SPHKAP: variants seen among roughly 807,000 people sequenced by gnomAD.
SPHKAP encodes A-kinase anchor protein SPHKAP.
SPHKAP carries 67 observed loss-of-function variants against 137.5 expected under a neutral mutation model. The ratio of observed to expected loss-of-function variants is 0.49; its 90% CI spans 0.40 to 0.60. SPHKAP has a LOEUF of 0.60. SPHKAP is among the 20% of genes least tolerant of loss of function. The pLI is 0.00. For synonymous variants in SPHKAP, 813 were observed against 785.3 expected, an observed-to-expected ratio of 1.04 and a Z score of -0.59; for missense variants, 2,097 against 2,069.3, an observed-to-expected ratio of 1.01 and a Z score of -0.26.
intron 3 of SPHKAP, among the ~76,000 whole-genome samples, chr2:228,092,124 T>A (rs1315089990): frequency 1.0e-5 from 1 of 99,486 alleles, no homozygotes; most frequent in African/African-American, 3.7e-5. Context: ...TATATACATA[T>A]ACGTATATGT....
At chr2:228,084,532 G>A (rs1240616149) in intron 3 of SPHKAP, among the ~76,000 whole-genome samples, 1 of 152,162 alleles carries the variant, frequency 6.6e-6, no homozygotes, top group Non-Finnish European at 1.5e-5. Flanking sequence ...ATGATGTGAT[G>A]TAAATTTTCA....
At chr2:228,064,503 T>C (rs1459035045) in intron 3 of SPHKAP, among the ~76,000 whole-genome samples, 1 of 152,240 alleles carries the variant, frequency 6.6e-6, no homozygotes, top group Non-Finnish European at 1.5e-5. Context: ...TTATGTTAAG[T>C]ATTTTCATTT....
intron 3 of SPHKAP, among the ~76,000 whole-genome samples, chr2:228,100,494 C>T (rs111488339): frequency 3.3e-5 from 5 of 152,036 alleles, no homozygotes; most frequent in African/African-American, 9.6e-5. Flanking sequence ...AGAGATGGCT[C>T]TTATTATTTT....
intron 3 of SPHKAP, among the ~76,000 whole-genome samples, chr2:228,091,619 A>G (rs1697735699): frequency 6.6e-6 from 1 of 152,178 alleles, no homozygotes; most frequent in South Asian, 2.1e-4. Flanking sequence ...ACATAAATAG[A>G]CAATTCTGAA....
chr2:228,004,894 T>C (rs1350157079), intron 7 of SPHKAP, among the ~76,000 whole-genome samples: 1 of 152,242 alleles, frequency 6.6e-6, no homozygotes, highest in Non-Finnish European at 1.5e-5. Context: ...TCCTGAGTTC[T>C]AGTTTGATTG....
intron 3 of SPHKAP, among the ~76,000 whole-genome samples, chr2:228,083,915 C>T (rs1697451649): frequency 6.6e-6 from 1 of 151,908 alleles, no homozygotes; most frequent in Non-Finnish European, 1.5e-5. Context: ...GGGGATATCA[C>T]ACACTGGGGC....
At chr2:228,000,885 C>T (rs540986535) in intron 7 of SPHKAP, among the ~76,000 whole-genome samples, 1 of 152,166 alleles carries the variant, frequency 6.6e-6, no homozygotes, top group South Asian at 2.1e-4. Flanking sequence ...AAGTTTTCAA[C>T]GTGTTTGGGT....
chr2:228,010,681 G>A (rs1248340622), intron 7 of SPHKAP, among the ~76,000 whole-genome samples: 2 of 151,952 alleles, frequency 1.3e-5, no homozygotes, highest in Non-Finnish European at 2.9e-5. Flanking sequence ...TAATTAATAC[G>A]TTTTTCTATC....
At chr2:228,056,111 C>A (rs1696433492) in intron 3 of SPHKAP, among the ~76,000 whole-genome samples, 1 of 152,226 alleles carries the variant, frequency 6.6e-6, no homozygotes, top group African/African-American at 2.4e-5. Flanking sequence ...CTTTCTGAAT[C>A]ACTCTCCTAC....
intron 5 of SPHKAP, 70 bp from the exon 6 acceptor site, chr2:228,022,036 C>G: frequency 6.8e-7 from 1 of 1,475,510 alleles, no homozygotes; most frequent in Non-Finnish European, 9.0e-7. Context: ...CTGAGCTTTC[C>G]TTTTCCACCA....
chr2:228,036,433 T>C (rs2106249592), intron 3 of SPHKAP, among the ~76,000 whole-genome samples: 1 of 152,334 alleles, frequency 6.6e-6, no homozygotes, highest in East Asian at 1.9e-4. Context: ...ACACTGTTGG[T>C]GGCACTGTAA....
At chr2:228,175,789 G>A (rs10193616) in intron 1 of SPHKAP, among the ~76,000 whole-genome samples, 94,252 of 151,926 alleles carry the variant, frequency 0.62, 29,750 homozygotes, top group African/African-American at 0.73. Flanking sequence ...AAACAACTTA[G>A]ATTTGAAGAG....
chr2:228,162,609 C>T lies in SPHKAP; in HGVS notation c.32+18958G>A, dbSNP rs190989034. Among the ~76,000 whole-genome samples the T allele has an allele frequency of 4.5e-3, 683 of 152,262 alleles. 10 individuals carry two copies. The highest frequency in any genetic ancestry group is 0.015 in the African/African-American group (640 of 41,538). On this transcript the variant is annotated intron_variant, in intron 1 of 11. Transcript: ENST00000392056. ...TATAGCACACATACATTATATATTG[C>T]TATATTAATCTGACTTTGAGAGGTA...
intron 2 of SPHKAP, among the ~76,000 whole-genome samples, chr2:228,112,803 A>G (rs1429697221): frequency 6.6e-6 from 1 of 152,152 alleles, no homozygotes; most frequent in Non-Finnish European, 1.5e-5. Context: ...TTTTGAACCT[A>G]TTTTAAAAAT....
chr2:228,060,617 T>A (rs1375894778), intron 3 of SPHKAP, among the ~76,000 whole-genome samples: 4 of 152,176 alleles, frequency 2.6e-5, no homozygotes, highest in Non-Finnish European at 5.9e-5. Context: ...AACTATGACT[T>A]AGTGATAGGA....
chr2:228,136,451 C>G (rs1480719897), intron 1 of SPHKAP, among the ~76,000 whole-genome samples: 1 of 152,204 alleles, frequency 6.6e-6, no homozygotes, highest in Non-Finnish European at 1.5e-5. Context: ...TAAGTTGCCA[C>G]TGTACTGCTA....
chr2:228,027,021 C>T (rs550776471), intron 4 of SPHKAP, among the ~76,000 whole-genome samples: 3 of 152,300 alleles, frequency 2.0e-5, no homozygotes, highest in South Asian at 4.1e-4. Flanking sequence ...CAAGTCCTTG[C>T]ATACTGTCAA....
intron 7 of SPHKAP, among the ~76,000 whole-genome samples, chr2:228,010,585 A>G (rs888407907): frequency 1.3e-5 from 2 of 152,122 alleles, no homozygotes; most frequent in South Asian, 4.1e-4. Flanking sequence ...AGTTTCAATA[A>G]CTTCATTGTG....
At chr2:228,117,617 A>C (rs1350504170) in intron 2 of SPHKAP, among the ~76,000 whole-genome samples, 4 of 152,104 alleles carry the variant, frequency 2.6e-5, no homozygotes, top group Non-Finnish European at 4.4e-5. Flanking sequence ...TCCAGGTAAC[A>C]TTTTCTTGAT....
Sources: allele counts gnomAD v4.1 joint callset (sites outside exome capture counted in the v4.1 genomes callset), GRCh38; gene constraint gnomAD v4.1.1; transcripts MANE v1.5; gene names NCBI Gene and HGNC (gene_info 2026-07-23, HGNC 2026-07-21).